Variants in AFAP1 observed in about 807,000 individuals in gnomAD.
AFAP1 encodes the protein actin filament-associated protein 1.
In AFAP1, 75 loss-of-function variants were observed where a neutral mutation model predicts 93.9. The observed-to-expected ratio is 0.80, with a 90% confidence interval of 0.66 to 0.97. The LOEUF (loss-of-function observed/expected upper bound fraction) is 0.97. AFAP1 is among the 50% of genes least tolerant of loss of function. The pLI is 0.00. For synonymous variants in AFAP1, 517 were observed against 430.7 expected, an observed-to-expected ratio of 1.20 and a Z score of -2.48; for missense variants, 1,201 against 1,050.8, an observed-to-expected ratio of 1.14 and a Z score of -1.98.
intron 1 of AFAP1, among the ~76,000 whole-genome samples, chr4:7,911,502 C>G (rs550327949): frequency 6.6e-6 from 1 of 152,128 alleles, no homozygotes; most frequent in East Asian, 1.9e-4. Flanking sequence ...CCACTTCTCA[C>G]ACAAATGACA....
rs1713256434 is a variant in AFAP1 at position 7,843,132 on chromosome 4, G to C, written c.546+7C>G. 19 of 1,612,874 alleles carry C rather than the reference G, an allele frequency of 1.2e-5. No homozygotes were observed. In the Middle Eastern group the frequency reaches 3.0e-3, roughly 251 times the overall value. On this transcript the variant is annotated splice_region_variant and intron_variant, in intron 5 of 17. Transcript: ENST00000420658. ...ACAAAAAATGCAAGCGATTCCAAAT[G>C]TCTTACCAGCAGTTTGGTGTCTTTG...
chr4:7,929,371 G>T (rs1720939237), intron 1 of AFAP1, among the ~76,000 whole-genome samples: 1 of 152,130 alleles, frequency 6.6e-6, no homozygotes, highest in African/African-American at 2.4e-5. Flanking sequence ...ATGACATGGA[G>T]GTGACTGCTT....
intron 3 of AFAP1, among the ~76,000 whole-genome samples, chr4:7,860,053 G>A (rs1250435933): frequency 6.6e-6 from 1 of 152,132 alleles, no homozygotes; most frequent in East Asian, 1.9e-4. Context: ...TGAGGTGGGA[G>A]GACTGCTCGA....
intron 1 of AFAP1, among the ~76,000 whole-genome samples, chr4:7,878,787 T>C (rs1315929771): frequency 6.6e-6 from 1 of 152,206 alleles, no homozygotes; most frequent in Non-Finnish European, 1.5e-5. Flanking sequence ...GTTACGTTTT[T>C]GCCTAAGGTC....
At chr4:7,869,034 G>GA (rs1560211080) in intron 2 of AFAP1, among the ~76,000 whole-genome samples, 1 of 87,232 alleles carries the variant, frequency 1.1e-5, no homozygotes, top group African/African-American at 4.4e-5. Flanking sequence ...AAAGAAAAAA[G>GA]AAAGAAAAGA....
chr4:7,831,704 G>A (rs1711641349), intron 6 of AFAP1, among the ~76,000 whole-genome samples: 1 of 152,204 alleles, frequency 6.6e-6, no homozygotes, highest in South Asian at 2.1e-4. Context: ...AAGGACAGAG[G>A]AGAAAAAGAA....
chr4:7,832,103 T>C (rs1346426696), intron 6 of AFAP1, among the ~76,000 whole-genome samples: 1 of 151,938 alleles, frequency 6.6e-6, no homozygotes, highest in Admixed American at 6.5e-5. Context: ...TAAGAAGCAA[T>C]GATGGCAGAG....
At position 7,893,093 on chromosome 4, in the gene AFAP1, G is replaced by T. The variant is rs111933401; in HGVS notation, c.-2-21013C>A. Among the ~76,000 whole-genome samples, 257 of 152,254 alleles carry T rather than the reference G, an allele frequency of 1.7e-3. 1 individual carries two copies. The highest frequency in any genetic ancestry group is 5.5e-3 in the African/African-American group (228 of 41,544). ...GGATTTTTACCAGCCCCGGTGCCGG[G>T]GGGGCAGAAACCACCCCGTTTCTCC... On this transcript the variant is annotated intron_variant, in intron 1 of 17. Transcript: ENST00000420658.
intron 8 of AFAP1, among the ~76,000 whole-genome samples, chr4:7,812,140 C>G (rs1720100641): frequency 6.6e-6 from 1 of 152,164 alleles, no homozygotes; most frequent in Non-Finnish European, 1.5e-5. Flanking sequence ...GACGGCCCCT[C>G]CCAGCTGTTT....
At chr4:7,899,192 G>A (rs748711745) in intron 1 of AFAP1, among the ~76,000 whole-genome samples, 12 of 151,974 alleles carry the variant, frequency 7.9e-5, no homozygotes, top group Admixed American at 4.6e-4. Context: ...TAACCTCCTA[G>A]ATAGGGCAAT....
intron 9 of AFAP1, among the ~76,000 whole-genome samples, chr4:7,804,032 C>A (rs927035971): frequency 6.6e-6 from 1 of 152,158 alleles, no homozygotes; most frequent in Non-Finnish European, 1.5e-5. Flanking sequence ...GAAGAGGCCA[C>A]GAAGGAAATG....
At chr4:7,780,169 T>G (rs1343427712) in intron 13 of AFAP1, among the ~76,000 whole-genome samples, 1 of 152,188 alleles carries the variant, frequency 6.6e-6, no homozygotes, top group African/African-American at 2.4e-5. Context: ...GCATAAGTCC[T>G]CAAAAGAGGC....
intron 4 of AFAP1, among the ~76,000 whole-genome samples, chr4:7,853,799 G>A (rs948155314): frequency 2.0e-5 from 3 of 152,282 alleles, no homozygotes; most frequent in Non-Finnish European, 2.9e-5. Flanking sequence ...AGGGAGGGGC[G>A]GCTGTGTCCT....
chr4:7,842,884 G>A, intron 5 of AFAP1: 1 of 480,804 alleles, frequency 2.1e-6, no homozygotes, highest in Non-Finnish European at 3.7e-6. Flanking sequence ...CCCTGCCCGG[G>A]AATGGGAATG....
In AFAP1 at chr4:7,774,759, G is replaced by A. The variant is rs202114703; in HGVS notation, c.2042C>T (p.Ala681Val). 61 of 1,614,162 alleles carry A rather than the reference G, an allele frequency of 3.8e-5. No individual in the cohort carries two copies. The highest frequency in any genetic ancestry group is 2.9e-4 in the East Asian group (13 of 44,882). Residue 681 changes from alanine to valine, a missense_variant, in exon 15 of 18, where the codon GCG becomes GTG. By Grantham distance (64) the Ala-to-Val change is moderately conservative. Coordinates refer to ENST00000420658, the MANE Select transcript of AFAP1 (RefSeq NM_001134647.2). ...QLRKERKDLR[A>V]AIEVNAGRKP... ...CATACCGGCGTTCACTTCAATAGCC[G>A]CTCGAAGGTCTTTTCTTTCCTTGCG... is the stretch of plus-strand genomic sequence containing the variant.
At chr4:7,891,693 AAAAC>A (rs1414520429) in intron 1 of AFAP1, among the ~76,000 whole-genome samples, 11 of 151,576 alleles carry the variant, frequency 7.3e-5, no homozygotes, top group Non-Finnish European at 1.0e-4. Flanking sequence ...GAAGGAATAA[AAAAC>A]AAAGGGGAAA....
intron 1 of AFAP1, among the ~76,000 whole-genome samples, chr4:7,879,616 A>G (rs1717724785): frequency 6.6e-6 from 1 of 151,924 alleles, no homozygotes. Context: ...GTTTCTGCAT[A>G]TATTTTATAC....
At chr4:7,819,969 C>G (rs1577250689) in intron 6 of AFAP1, among the ~76,000 whole-genome samples, 1 of 152,196 alleles carries the variant, frequency 6.6e-6, no homozygotes, top group Non-Finnish European at 1.5e-5. Context: ...TAAAGCATAA[C>G]CAGCACTTGA....
At chr4:7,811,491 C>T (rs764219673) in intron 8 of AFAP1, among the ~76,000 whole-genome samples, 2 of 148,808 alleles carry the variant, frequency 1.3e-5, no homozygotes, top group Non-Finnish European at 3.0e-5. Context: ...TGCTGGGGAG[C>T]GGGAAGTGGT....
Sources: gnomAD v4.1 joint callset for allele counts (sites outside exome capture counted in the v4.1 genomes callset) on GRCh38, gnomAD v4.1.1 for gene constraint, MANE v1.5 for transcripts, NCBI Gene and HGNC (gene_info 2026-07-23, HGNC 2026-07-21) for gene names.